The following WBP1L variants were observed in gnomAD, a reference collection of about 807,000 sequenced individuals.
The protein encoded by WBP1L is WW domain binding protein 1-like.
In WBP1L, 17 loss-of-function variants were observed where a neutral mutation model predicts 33.7. The ratio of observed to expected loss-of-function variants is 0.50; its 90% CI spans 0.34 to 0.76. WBP1L has a LOEUF of 0.76. Among genes scored for constraint, WBP1L ranks in the 30% least tolerant of loss-of-function variants. WBP1L has a pLI of 0.01. For synonymous variants in WBP1L, 173 were observed against 190.8 expected (o/e 0.91, Z 0.77); for missense variants, 389 against 469.4 (o/e 0.83, Z 1.58).
At chr10:102,808,574 C>T (rs959938600) in intron 2 of WBP1L, among the ~76,000 whole-genome samples, 3 of 152,190 alleles carry the variant, frequency 2.0e-5, no homozygotes, top group Admixed American at 1.3e-4. Context: ...ACTGCAAGGG[C>T]AGGCCAAAGG....
intron 1 of WBP1L, among the ~76,000 whole-genome samples, chr10:102,749,785 T>C (rs1217816255): frequency 1.3e-5 from 2 of 151,858 alleles, no homozygotes; most frequent in East Asian, 3.9e-4. Context: ...TATTTATTTA[T>C]TTATTTTTTG....
intron 1 of WBP1L, among the ~76,000 whole-genome samples, chr10:102,767,648 A>G (rs1843129937): frequency 6.6e-6 from 1 of 152,134 alleles, no homozygotes; most frequent in Non-Finnish European, 1.5e-5. Flanking sequence ...GTTGAGGTCA[A>G]TGACTGGGAA....
At chr10:102,810,148 C>T in intron 3 of WBP1L, 94 bp downstream of exon 3, 2 of 1,491,770 alleles carry the variant, frequency 1.3e-6, no homozygotes, top group East Asian at 2.3e-5. Context: ...CTCCTGTAGG[C>T]ATAGGGGGTT....
chr10:102,745,842 A>C (rs1842858391), intron 1 of WBP1L, among the ~76,000 whole-genome samples: 1 of 152,152 alleles, frequency 6.6e-6, no homozygotes, highest in Non-Finnish European at 1.5e-5. Flanking sequence ...TTGTTTTTCC[A>C]GTGGAAATCA....
intron 1 of WBP1L, among the ~76,000 whole-genome samples, chr10:102,774,096 T>C (rs1041505012): frequency 1.3e-5 from 2 of 152,102 alleles, no homozygotes; most frequent in East Asian, 3.9e-4. Flanking sequence ...CAGATTACAT[T>C]GCCCATGAGG....
intron 1 of WBP1L, among the ~76,000 whole-genome samples, chr10:102,779,557 C>T (rs1245668313): frequency 4.6e-5 from 7 of 152,084 alleles, no homozygotes; most frequent in Admixed American, 4.6e-4. Flanking sequence ...TCGCCTCGGC[C>T]TCCCAAAGTG....
In WBP1L at chr10:102,813,473, C is replaced by A; in HGVS notation, c.*142C>A. 8.7e-7 allele frequency: 1 copy of A among 1,149,052 alleles called. No homozygotes were observed. Among genetic ancestry groups the A allele is most frequent in the Non-Finnish European group, 1.2e-6 (1 of 838,180 alleles). The allele number at this position is 1,149,052 out of a possible 1,614,324, so 71.2% of individuals were successfully genotyped here. A position where few individuals can be genotyped will look rare whatever the true frequency, so the allele number is the denominator to read the frequency against. On this transcript the variant is annotated 3_prime_UTR_variant, in exon 4 of 4. Transcript: ENST00000448841. ...TGTTTGTTTTCCTTCTCCTCTCCTG[C>A]ATTTTCCTCCATCTCCAGGTACAGT...
chr10:102,745,866 G>T (rs988624827), intron 1 of WBP1L, among the ~76,000 whole-genome samples: 1 of 152,150 alleles, frequency 6.6e-6, no homozygotes, highest in African/African-American at 2.4e-5. Flanking sequence ...ACTGGCAGAA[G>T]AAATATATTT....
At chr10:102,772,188 G>C (rs971284917) in intron 1 of WBP1L, among the ~76,000 whole-genome samples, 3 of 149,936 alleles carry the variant, frequency 2.0e-5, no homozygotes, top group Non-Finnish European at 4.4e-5. Flanking sequence ...TTGATCTCCC[G>C]ACTTCGTGAT....
At chr10:102,760,217 C>A (rs1406322897) in intron 1 of WBP1L, among the ~76,000 whole-genome samples, 2 of 152,124 alleles carry the variant, frequency 1.3e-5, no homozygotes, top group Non-Finnish European at 2.9e-5. Context: ...GGCCAGAGCT[C>A]TTCCCAGTGA....
chr10:102,788,362 G>T (rs531911604), intron 1 of WBP1L, among the ~76,000 whole-genome samples: 1 of 151,766 alleles, frequency 6.6e-6, no homozygotes, highest in East Asian at 2.0e-4. Flanking sequence ...CGCCTGTTTC[G>T]GCCTCCCAAA....
At chr10:102,776,462 G>A (rs370322069) in intron 1 of WBP1L, 12 of 1,613,074 alleles carry the variant, frequency 7.4e-6, no homozygotes, top group South Asian at 1.1e-5. Flanking sequence ...AAGAAGGGGT[G>A]GGAGCTTGTT....
intron 1 of WBP1L, among the ~76,000 whole-genome samples, chr10:102,769,933 A>G (rs1843165664): frequency 6.6e-6 from 1 of 152,252 alleles, no homozygotes; most frequent in African/African-American, 2.4e-5. Flanking sequence ...TGTGACTTGT[A>G]AAACGCCTTG....
Position 102,815,758 on chromosome 10 carries a change from G to A in WBP1L, c.*2427G>A, listed in dbSNP as rs1283581955. 6.6e-6 allele frequency: 1 copy of A among 152,228 alleles called. No homozygotes were observed. Among genetic ancestry groups the A allele is most frequent in the African/African-American group, 2.4e-5 (1 of 41,458 alleles). The allele number at this position is 152,228 out of a possible 1,614,324, so 9.4% of individuals were successfully genotyped here. ...TTTTCAGTTAACAGATCAAATGGAT[G>A]AGTTCTGAGCCTCTCAAGTTCCTTT... On this transcript the variant is annotated 3_prime_UTR_variant, in exon 4 of 4. Transcript: ENST00000448841.
rs79502488 is a variant in WBP1L, at chr10:102,777,194, C to T, written c.91-20799C>T. 4.8e-3 allele frequency among the ~76,000 whole-genome samples: 731 copies of T among 152,234 alleles called. 42 individuals carry two copies. In the East Asian group the frequency reaches 0.12, roughly 25 times the overall value. ...GAGTCAGACACCCCCACCCCCTCTT[C>T]GTCTGAGAGGCATGTCTGTATCGGA... On this transcript the variant is annotated intron_variant, in intron 1 of 3. Coordinates refer to ENST00000448841, the MANE Select transcript of WBP1L (RefSeq NM_001083913.2).
chr10:102,766,576 T>C lies in WBP1L; in HGVS notation c.90+22433T>C, dbSNP rs139606592. Among the ~76,000 whole-genome samples, 1,251 of 151,384 alleles carry C rather than the reference T, an allele frequency of 8.3e-3. 10 individuals are homozygous for C. The highest frequency in any genetic ancestry group is 0.029 in the African/African-American group (1,185 of 41,176). ...GGTTGGAGGCTACAGTGAGCCATGA[T>C]CGCACCACTGCAGTCCAGCTTGGGT... On this transcript the variant is annotated intron_variant, in intron 1 of 3. Coordinates refer to ENST00000448841, the MANE Select transcript of WBP1L (RefSeq NM_001083913.2).
At chr10:102,795,351 C>T (rs1221155617) in intron 1 of WBP1L, among the ~76,000 whole-genome samples, 6 of 152,184 alleles carry the variant, frequency 3.9e-5, no homozygotes, top group Non-Finnish European at 7.3e-5. Context: ...ATGACCCCAT[C>T]GTAAGCCGAG....
chr10:102,766,811 G>A (rs890877387), intron 1 of WBP1L, among the ~76,000 whole-genome samples: 1 of 140,194 alleles, frequency 7.1e-6, no homozygotes, highest in Non-Finnish European at 1.5e-5. Context: ...CAGCCTGAGC[G>A]ACAGAGCGAG....
rs780954820 is a variant in WBP1L, at chr10:102,813,262, A to G, written c.1023A>G (p.Ala341=). Residue 341 remains alanine (A), a synonymous_variant, in exon 4 of 4, where the codon GCA becomes GCG. Coordinates refer to ENST00000448841, the MANE Select transcript of WBP1L (RefSeq NM_001083913.2). ...PGHPHLPRPP[A]CLLLNTINEQ... The stretch of plus-strand genomic sequence containing the variant: ...ACCCGCACCTGCCACGGCCGCCCGC[A>G]TGCCTGCTGCTGAACACCATCAACG... 4.3e-6 allele frequency: 7 copies of G among 1,613,108 alleles called. No individual in the cohort carries two copies. In the East Asian group the frequency reaches 1.6e-4, roughly 36 times the overall value.
Sources: allele counts gnomAD v4.1 joint callset (sites outside exome capture counted in the v4.1 genomes callset), GRCh38; gene constraint gnomAD v4.1.1; transcripts MANE v1.5; gene names NCBI Gene and HGNC (gene_info 2026-07-23, HGNC 2026-07-21).